AQP7: variants seen among roughly 807,000 people sequenced by gnomAD.
The protein encoded by AQP7 is aquaporin-7.
Under a neutral mutation model 26.1 loss-of-function variants are expected in AQP7, and 22 were observed. That is an observed-to-expected ratio of 0.84 (90% CI 0.60 to 1.20). The LOEUF is 1.20. Among genes scored for constraint, AQP7 ranks in the 50% most tolerant of loss-of-function variants. AQP7 has a pLI of 0.00. For missense variants in AQP7, 412 were observed against 457.5 expected, an observed-to-expected ratio of 0.90 and a Z score of 0.91; for synonymous variants, 167 against 181.7, an observed-to-expected ratio of 0.92 and a Z score of 0.65.
intron 2 of AQP7, among the ~76,000 whole-genome samples, chr9:33,397,417 C>T (rs566997007): frequency 2.0e-5 from 3 of 152,126 alleles, no homozygotes; most frequent in South Asian, 4.2e-4. Context: ...GGAGGCTGCT[C>T]ATGGGATAAT....
chr9:33,401,365 A>G, intron 1 of AQP7, 78 bp from the exon 2 acceptor site: 2 of 1,277,736 alleles, frequency 1.6e-6, no homozygotes, highest in South Asian at 2.6e-5. Context: ...CTTGGTCCCC[A>G]GGGGAGAAGC....
intron 1 of AQP7, chr9:33,401,600 G>T: frequency 2.5e-6 from 1 of 402,908 alleles, no homozygotes; most frequent in East Asian, 4.9e-5. Context: ...AGTGGCTCCA[G>T]CCTCATATTT....
chr9:33,385,747 C>A lies in AQP7; in HGVS notation c.645G>T (p.Val215=). 6.2e-7 allele frequency: 1 copy of A among 1,613,902 alleles called. No homozygotes were observed. The highest frequency in any genetic ancestry group is 8.5e-7 in the Non-Finnish European group (1 of 1,180,048). ...VIGILVVIIG[V]SLGMNTGYAI... ...CATATCCTGTGTTCATGCCAAGGGA[C>A]ACCCCGATGATGACCACGAGGATGC... The change falls in exon 7 of 8, where the codon GTG becomes GTT. Residue 215 remains valine, a synonymous_variant. Coordinates refer to ENST00000297988, the MANE Select transcript of AQP7 (RefSeq NM_001170.3).
intron 2 of AQP7, among the ~76,000 whole-genome samples, chr9:33,397,005 G>A (rs1825902967): frequency 6.6e-6 from 1 of 151,346 alleles, no homozygotes; most frequent in African/African-American, 2.4e-5. Context: ...GGAGGCTGAG[G>A]TGGGAGGATT....
At position 33,385,923 on chromosome 9, in the gene AQP7, C is replaced by A. The variant is rs535233892; in HGVS notation, c.526-57G>T. The stretch of plus-strand genomic sequence containing the variant: ...GGCCCCTCCCCAAGCCACAGGACCT[C>A]GGCAGTGCCCCAGACCCAAGCCCAC... On this transcript the variant is annotated intron_variant, in intron 6 of 7. Transcript: ENST00000297988. The A allele has an allele frequency of 3.5e-5, 55 of 1,570,072 alleles. No individual in the cohort carries two copies. In the East Asian group the frequency reaches 1.2e-3, roughly 34 times the overall value.
At chr9:33,394,788 G>A (rs1178448807) in intron 3 of AQP7, among the ~76,000 whole-genome samples, 2 of 152,000 alleles carry the variant, frequency 1.3e-5, no homozygotes, top group Non-Finnish European at 2.9e-5. Context: ...ATGAGCCACC[G>A]CACCTGGGCC....
chr9:33,385,984 A>G, intron 6 of AQP7, 93 bp downstream of exon 6: 1 of 1,575,626 alleles, frequency 6.3e-7, no homozygotes, highest in Admixed American at 1.7e-5. Flanking sequence ...CTCCATCCAG[A>G]GTTCTTGTCC....
chr9:33,387,309 C>T (rs1327802660), intron 3 of AQP7, among the ~76,000 whole-genome samples: 5 of 152,096 alleles, frequency 3.3e-5, no homozygotes, highest in Non-Finnish European at 7.4e-5. Context: ...CCACTGAGAG[C>T]CGGGTGGAGC....
intron 6 of AQP7, 21 bp from the exon 7 acceptor site, chr9:33,385,887 C>A (rs759840245): frequency 4.3e-5 from 69 of 1,595,192 alleles, no homozygotes; most frequent in Non-Finnish European, 5.7e-5. Context: ...GATGCTGTGG[C>A]AGCTCACCTG....
At chr9:33,396,071 C>T (rs933745282) in intron 2 of AQP7, among the ~76,000 whole-genome samples, 1 of 151,934 alleles carries the variant, frequency 6.6e-6, no homozygotes, top group African/African-American at 2.4e-5. Flanking sequence ...GTAACAGGGC[C>T]CAAATCTGCA....
chr9:33,392,998 C>T (rs900252095), intron 3 of AQP7, among the ~76,000 whole-genome samples: 2 of 152,190 alleles, frequency 1.3e-5, no homozygotes, highest in Non-Finnish European at 2.9e-5. Context: ...GAGGCTGAGG[C>T]AGGCAGATCA....
chr9:33,401,369 G>A, intron 1 of AQP7, 82 bp from the exon 2 acceptor site: 1 of 1,209,586 alleles, frequency 8.3e-7, no homozygotes, highest in South Asian at 1.3e-5. Flanking sequence ...GTCCCCAGGG[G>A]AGAAGCCCTG....
chr9:33,391,121 A>C (rs1399123241), intron 3 of AQP7, among the ~76,000 whole-genome samples: 2 of 152,184 alleles, frequency 1.3e-5, no homozygotes, highest in East Asian at 3.9e-4. Context: ...TAAATAAATA[A>C]AATAAAATAC....
At chr9:33,385,577 C>T (rs1165536120) in intron 7 of AQP7, 72 bp downstream of exon 7, 1 of 1,560,708 alleles carries the variant, frequency 6.4e-7, no homozygotes, top group African/African-American at 1.4e-5. Context: ...CCCCTCACAT[C>T]ACCCCCCACC....
intron 2 of AQP7, among the ~76,000 whole-genome samples, chr9:33,398,547 T>C (rs586315): frequency 0.97 from 148,254 of 152,330 alleles, 72,276 homozygotes; most frequent in East Asian, 1. Context: ...GCTTGGTGTT[T>C]GGTTAGAGAG....
At chr9:33,388,743 A>C (rs1456498235) in intron 3 of AQP7, among the ~76,000 whole-genome samples, 37 of 152,368 alleles carry the variant, frequency 2.4e-4, no homozygotes, top group Admixed American at 1.7e-3. Flanking sequence ...AAGGTCACAC[A>C]GCCTGTACCT....
intron 2 of AQP7, among the ~76,000 whole-genome samples, chr9:33,396,488 T>C (rs1215524664): frequency 2.1e-5 from 3 of 144,904 alleles, no homozygotes; most frequent in Non-Finnish European, 4.5e-5. Flanking sequence ...CAGATACCTC[T>C]AAGTGTGGCC....
chr9:33,389,090 C>T (rs561542557), intron 3 of AQP7, among the ~76,000 whole-genome samples: 3 of 150,292 alleles, frequency 2.0e-5, no homozygotes, highest in Admixed American at 6.7e-5. Flanking sequence ...TGCAATGGCA[C>T]GATCTCTACT....
At chr9:33,392,270 C>T (rs1258405778) in intron 3 of AQP7, among the ~76,000 whole-genome samples, 9 of 150,594 alleles carry the variant, frequency 6.0e-5, no homozygotes, top group Admixed American at 3.3e-4. Flanking sequence ...GCTGAGATCG[C>T]GCCACTGTGA....
Sources: allele counts gnomAD v4.1 joint callset (sites outside exome capture counted in the v4.1 genomes callset), GRCh38; gene constraint gnomAD v4.1.1; transcripts MANE v1.5; gene names NCBI Gene and HGNC (gene_info 2026-07-23, HGNC 2026-07-21).